Variants in CRIP3 observed in about 807,000 individuals in gnomAD.
The protein encoded by CRIP3 is cysteine-rich protein 3.
A neutral mutation model predicts 30.3 loss-of-function variants in CRIP3; 23 were observed. The ratio of observed to expected loss-of-function variants is 0.76; its 90% CI spans 0.55 to 1.08. CRIP3 has a LOEUF of 1.08. CRIP3 is among the 50% of genes least tolerant of loss of function. The pLI is 0.00. For synonymous variants in CRIP3, 89 were observed against 97.6 expected, an observed-to-expected ratio of 0.91 and a Z score of 0.52; for missense variants, 261 against 259.3, an observed-to-expected ratio of 1.01 and a Z score of -0.04.
intron 4 of CRIP3, 122 bp from the exon 5 acceptor site, chr6:43,306,639 C>T (rs1778940137): frequency 2.5e-6 from 2 of 789,334 alleles, no homozygotes; most frequent in Non-Finnish European, 4.0e-6. Flanking sequence ...CCCAGGCGCC[C>T]AAGAGTCTGC....
At position 43,305,683 on chromosome 6, in the gene CRIP3, G is replaced by A. The variant is rs1397364891; in HGVS notation, c.*131C>T. ...AGTCTAGACTCTCTGGCCTACCATGGAGCCTAGGCCCAGGCCCCCAAGATC... is the reference window on the plus strand; with the variant it reads ...AGTCTAGACTCTCTGGCCTACCATGAAGCCTAGGCCCAGGCCCCCAAGATC... On this transcript the variant is annotated 3_prime_UTR_variant, in exon 8 of 8. Transcript: ENST00000372569. 5.0e-5 allele frequency: 57 copies of A among 1,139,870 alleles called. No homozygotes were observed. The highest frequency in any genetic ancestry group is 8.9e-5 in the South Asian group (7 of 78,382). The allele number at this position is 1,139,870 out of a possible 1,614,324, so 70.6% of individuals were successfully genotyped here.
chr6:43,306,050 G>A lies in CRIP3; in HGVS notation c.553+17C>T, dbSNP rs562856023. The A allele has an allele frequency of 1.2e-6, 2 of 1,611,382 alleles. No homozygotes were observed. Among genetic ancestry groups the A allele is most frequent in the African/African-American group, 2.7e-5 (2 of 74,742 alleles). On this transcript the variant is annotated intron_variant, in intron 7 of 7. Transcript: ENST00000372569. Reference sequence around the variant, plus strand: ...GCATGTACATGCCATCCCAGTGTCTGGGATGGGGCTGCCCACCTTTGGGGC... The same window carrying A: ...GCATGTACATGCCATCCCAGTGTCTAGGATGGGGCTGCCCACCTTTGGGGC...
In CRIP3 at chr6:43,307,910, G is replaced by A. The variant is rs1582563284; in HGVS notation, c.139-14C>T. 4 of 1,613,324 alleles carry A rather than the reference G, an allele frequency of 2.5e-6. No individual in the cohort carries two copies. Among genetic ancestry groups the A allele is most frequent in the Non-Finnish European group, 3.4e-6 (4 of 1,179,934 alleles). Reference sequence around the variant, plus strand: ...CCTCCCATTGTGCTGGGCACAAGCAGAGGGAAGTGGGTTACTCAAGGCCAG... The same window carrying A: ...CCTCCCATTGTGCTGGGCACAAGCAAAGGGAAGTGGGTTACTCAAGGCCAG... On this transcript the variant is annotated splice_polypyrimidine_tract_variant and intron_variant, in intron 2 of 7. Coordinates refer to ENST00000372569, the MANE Select transcript of CRIP3 (RefSeq NM_206922.3).
Position 43,308,372 on chromosome 6 carries a change from G to A in CRIP3, c.81C>T (p.Arg27=), listed in dbSNP as rs761938105. The A allele has an allele frequency of 5.0e-6, 8 of 1,612,938 alleles. No individual in the cohort carries two copies. In the Admixed American group the frequency reaches 1.2e-4, roughly 24 times the overall value. The change falls in exon 2 of 8, where the codon CGC becomes CGT. Residue 27 remains arginine, a synonymous_variant. Transcript: ENST00000372569. ...GGCAGCGCTCACATTTCAGGCAGAA[G>A]CGGTGCCAGTTCTTGCCCAGGGAGC... The part of the protein sequence containing the change: ...KVSSLGKNWH[R]FCLKCERCHS...
chr6:43,307,215 C>T (rs1778958093), intron 4 of CRIP3: 1 of 138,526 alleles, frequency 7.2e-6, no homozygotes, highest in African/African-American at 2.7e-5. Context: ...CCTTGACTCA[C>T]TGCAACCTCC....
At chr6:43,308,469 T>G in intron 1 of CRIP3, 60 bp from the exon 2 acceptor site, 1 of 1,464,196 alleles carries the variant, frequency 6.8e-7, no homozygotes, top group African/African-American at 1.4e-5. Flanking sequence ...GGGCCCCTCC[T>G]TTCCCTCTTC....
rs1778997484 is a variant in CRIP3 at position 43,308,661 on chromosome 6, A to G, written c.43+89T>C. The G allele has an allele frequency of 3.3e-6, 5 of 1,509,476 alleles. No individual in the cohort carries two copies. In the Admixed American group the frequency reaches 5.0e-5, roughly 15 times the overall value. The allele number at this position is 1,509,476 out of a possible 1,614,324, so 93.5% of individuals were successfully genotyped here. ...GCTGCAGGTGAAAAGGGTGTCTGGGACTACACTGTGGCTAGCCCTCCGCGT... is the reference window on the plus strand; with the variant it reads ...GCTGCAGGTGAAAAGGGTGTCTGGGGCTACACTGTGGCTAGCCCTCCGCGT... On this transcript the variant is annotated intron_variant, in intron 1 of 7. Coordinates refer to ENST00000372569, the MANE Select transcript of CRIP3 (RefSeq NM_206922.3).
Position 43,305,489 on chromosome 6 carries a change from T to A in CRIP3, c.*325A>T. The A allele has an allele frequency of 2.6e-6, 1 of 385,914 alleles. No individual in the cohort carries two copies. The highest frequency in any genetic ancestry group is 6.5e-5 in the East Asian group (1 of 15,424). The allele number at this position is 385,914 out of a possible 1,614,324, so 23.9% of individuals were successfully genotyped here. On this transcript the variant is annotated 3_prime_UTR_variant, in exon 8 of 8. Transcript: ENST00000372569. The stretch of plus-strand genomic sequence containing the variant: ...TGAAGGCATGGGAGCCAACATTTTA[T>A]TGAAGAAGCCACAGAGGCTGAAATT...
chr6:43,306,176 C>G (rs772696657), intron 6 of CRIP3, 43 bp downstream of exon 6: 1 of 1,614,094 alleles, frequency 6.2e-7, no homozygotes, highest in South Asian at 1.1e-5. Flanking sequence ...CTTCCCATCT[C>G]CAGCCTCCTC....
intron 7 of CRIP3, 49 bp downstream of exon 7, chr6:43,306,018 A>C (rs774673052): frequency 2.8e-5 from 45 of 1,604,866 alleles, no homozygotes; most frequent in East Asian, 4.5e-5. Context: ...TACATGCCAT[A>C]CTTCAGGCAT....
At chr6:43,307,583 G>C (rs1417931760) in intron 4 of CRIP3, 29 bp downstream of exon 4, 1 of 1,428,346 alleles carries the variant, frequency 7.0e-7, no homozygotes, top group East Asian at 2.5e-5. Context: ...GTCGGGAGGA[G>C]GACTGGGAGG....
In CRIP3 at chr6:43,306,278, G is replaced by A. The variant is rs761883724; in HGVS notation, c.436C>T (p.Arg146Ter). The change falls in exon 6 of 8, where the codon CGA (arginine) becomes TGA (stop). Residue 146 changes from arginine (R) to a stop codon, truncating the protein, a stop_gained. Transcript: ENST00000372569. LOFTEE classifies it high-confidence loss of function. ...KVMSLGRNWH[R>*]PCLRCQRCHK... ...CAACGCTGGCACCTCAGACACGGTCGGTGCCAATTTCTGCCTAATGACATC... is the reference window on the plus strand; with the variant it reads ...CAACGCTGGCACCTCAGACACGGTCAGTGCCAATTTCTGCCTAATGACATC... 21 of 1,613,980 alleles carry A rather than the reference G, an allele frequency of 1.3e-5. No individual in the cohort carries two copies. Among genetic ancestry groups the A allele is most frequent in the African/African-American group, 4.0e-5 (3 of 74,886 alleles).
chr6:43,306,800 C>T, intron 4 of CRIP3: 1 of 375,126 alleles, frequency 2.7e-6, no homozygotes, highest in Non-Finnish European at 4.8e-6. Context: ...GCAACTCAAT[C>T]CTCAGGAAAC....
intron 2 of CRIP3, 123 bp downstream of exon 2, chr6:43,308,192 C>A (rs1325330967): frequency 2.3e-6 from 2 of 856,542 alleles, no homozygotes; most frequent in East Asian, 2.6e-5. Context: ...ACCAGGTGGG[C>A]GGCCTTGGGG....
rs1255384000 is a variant in CRIP3, at chr6:43,305,859, A to G, written c.570T>C (p.Asp190=). ...CTGGGTCATAGATGTAGCAGCCCAC[A>G]TCGCCAATGTTCACACCTGAGAGAG... ...LFGPKGVNIG[D]VGCYIYDPVK... The change falls in exon 8 of 8, where the codon GAT becomes GAC. Residue 190 remains aspartate (D), a synonymous_variant. Coordinates refer to ENST00000372569, the MANE Select transcript of CRIP3 (RefSeq NM_206922.3). The G allele has an allele frequency of 3.1e-6, 5 of 1,614,150 alleles. No homozygotes were observed. The highest frequency in any genetic ancestry group is 2.2e-5 in the South Asian group (2 of 91,084).
intron 1 of CRIP3, 127 bp from the exon 2 acceptor site, chr6:43,308,536 G>A: frequency 2.2e-6 from 2 of 928,130 alleles, no homozygotes; most frequent in African/African-American, 1.6e-5. Context: ...GTGTCTCCAG[G>A]AGGCCAGCTC....
intron 4 of CRIP3, chr6:43,307,072 T>A (rs1282681189): frequency 6.5e-6 from 1 of 153,622 alleles, no homozygotes; most frequent in African/African-American, 2.4e-5. Flanking sequence ...TGTCTGGATC[T>A]CACTTTCCTC....
chr6:43,308,617 G>T, intron 1 of CRIP3, 133 bp downstream of exon 1: 2 of 1,140,032 alleles, frequency 1.8e-6, no homozygotes, highest in Non-Finnish European at 2.6e-6. Flanking sequence ...GGGAGCGGGT[G>T]GTGCGGAGAC....
chr6:43,308,200 G>A, intron 2 of CRIP3, 115 bp downstream of exon 2: 1 of 954,440 alleles, frequency 1.0e-6, no homozygotes, highest in African/African-American at 1.6e-5. Flanking sequence ...GGCGGCCTTG[G>A]GGTTGGCTAC....
Sources: allele counts gnomAD v4.1 joint callset, GRCh38; gene constraint gnomAD v4.1.1; transcripts MANE v1.5; gene names NCBI Gene and HGNC (gene_info 2026-07-23, HGNC 2026-07-21).